IRAK1BP1: variants seen among roughly 807,000 people sequenced by gnomAD.
IRAK1BP1 encodes interleukin 1 receptor associated kinase 1 binding protein 1.
In IRAK1BP1, 24 loss-of-function variants were observed where a neutral mutation model predicts 28.0. That is an observed-to-expected ratio of 0.86 (90% CI 0.62 to 1.20). The LOEUF is 1.20. Ranked by LOEUF, IRAK1BP1 falls within the 50% of genes most tolerant of loss-of-function variation. IRAK1BP1 has a pLI of 0.00. For synonymous variants in IRAK1BP1, 131 were observed against 116.3 expected (o/e 1.13, Z -0.81); for missense variants, 336 against 316.7 (o/e 1.06, Z -0.46).
intron 1 of IRAK1BP1, among the ~76,000 whole-genome samples, chr6:78,881,863 A>G (rs924813965): frequency 7.9e-5 from 12 of 152,166 alleles, no homozygotes; most frequent in Non-Finnish European, 1.8e-4. Flanking sequence ...CAGAGAGGGA[A>G]GTTACAGATA....
chr6:78,970,257 C>G, the IRAK1BP1 span: 3 of 1,218,368 alleles, frequency 2.5e-6, no homozygotes, highest in Non-Finnish European at 3.5e-6. Context: ...GAAAAAACTT[C>G]TTGGTTTAAA....
At chr6:78,972,907 T>C in the IRAK1BP1 span, among the ~76,000 whole-genome samples, 1 of 152,096 alleles carries the variant, frequency 6.6e-6, no homozygotes, top group Non-Finnish European at 1.5e-5. Flanking sequence ...GTCTGATTGG[T>C]GTACCTGAAA....
Position 78,902,680 on chromosome 6 carries a change from A to G in IRAK1BP1, c.*4346A>G. 4.3e-6 allele frequency: 1 copy of G among 233,662 alleles called. No individual in the cohort carries two copies. The highest frequency in any genetic ancestry group is 1.3e-4 in the South Asian group (1 of 7,872). 14.5% of individuals were successfully genotyped at this position (233,662 alleles called of 1,614,324 possible). On this transcript the variant is annotated 3_prime_UTR_variant, in exon 4 of 4. Coordinates refer to ENST00000369940, the MANE Select transcript of IRAK1BP1 (RefSeq NM_001010844.4). ...CAGCTACCGGGGAGGCTGAAGCAGA[A>G]GAAACGCTCGAACCTGGGAGGCAGA...
chr6:78,945,821 T>C, exon 5 of IRAK1BP1: 1 of 618,338 alleles, frequency 1.6e-6, no homozygotes, highest in Non-Finnish European at 2.8e-6. Context: ...TATAATGACC[T>C]AAACCTCAAT....
At chr6:78,969,359 A>T in the IRAK1BP1 span, among the ~76,000 whole-genome samples, 1 of 152,210 alleles carries the variant, frequency 6.6e-6, no homozygotes, top group African/African-American at 2.4e-5. Flanking sequence ...GTGGCACATC[A>T]TCTATATGTA....
chr6:78,896,029 T>A (rs1268011593), intron 2 of IRAK1BP1, among the ~76,000 whole-genome samples: 1 of 152,214 alleles, frequency 6.6e-6, no homozygotes, highest in Non-Finnish European at 1.5e-5. Flanking sequence ...ATAAATCTGT[T>A]ATAAAGATGT....
chr6:78,977,997 T>C, the IRAK1BP1 span, among the ~76,000 whole-genome samples: 1 of 152,162 alleles, frequency 6.6e-6, no homozygotes, highest in Non-Finnish European at 1.5e-5. Flanking sequence ...CTCTTAAAAT[T>C]TGTGTACAAA....
intron 1 of IRAK1BP1, among the ~76,000 whole-genome samples, chr6:78,879,005 C>G (rs867861872): frequency 6.6e-6 from 1 of 152,016 alleles, no homozygotes; most frequent in Non-Finnish European, 1.5e-5. Context: ...GTGAAAAGAC[C>G]AAATCTACGT....
chr6:78,927,708 G>A (rs1772929694), intron 4 of IRAK1BP1, among the ~76,000 whole-genome samples: 1 of 152,028 alleles, frequency 6.6e-6, no homozygotes, highest in Non-Finnish European at 1.5e-5. Flanking sequence ...TTTGAGTTTT[G>A]TATACAGTGA....
chr6:78,934,363 C>A (rs1196514574), intron 4 of IRAK1BP1, among the ~76,000 whole-genome samples: 1 of 152,228 alleles, frequency 6.6e-6, no homozygotes, highest in Non-Finnish European at 1.5e-5. Flanking sequence ...GACAGCCTTG[C>A]TGGATGCATG....
chr6:78,902,341 G>T lies in IRAK1BP1; in HGVS notation c.*4007G>T. On this transcript the variant is annotated 3_prime_UTR_variant, in exon 4 of 4. Transcript: ENST00000369940. Reference sequence around the variant, plus strand: ...ATTAGTGATAAGGTCTTGCTATGTTGCCCAGGCTGGTCTCAAACTCCTGGC... The same window carrying T: ...ATTAGTGATAAGGTCTTGCTATGTTTCCCAGGCTGGTCTCAAACTCCTGGC... 6.5e-6 allele frequency: 1 copy of T among 152,946 alleles called. No individual in the cohort carries two copies. The highest frequency in any genetic ancestry group is 6.5e-5 in the Admixed American group (1 of 15,302). 9.5% of individuals were successfully genotyped at this position (152,946 alleles called of 1,614,324 possible).
the IRAK1BP1 span, chr6:78,961,902 A>C: frequency 1.1e-4 from 102 of 914,612 alleles, no homozygotes; most frequent in African/African-American, 1.7e-3. Flanking sequence ...AAAAAGTCCT[A>C]ATCTACATAA....
downstream of IRAK1BP1, among the ~76,000 whole-genome samples, chr6:78,948,510 T>C (rs1358787457): frequency 6.6e-6 from 1 of 152,136 alleles, no homozygotes; most frequent in Non-Finnish European, 1.5e-5. Context: ...CCCCCCCTTT[T>C]TGGGAGACAC....
At chr6:78,875,814 C>T (rs1237998082) in intron 1 of IRAK1BP1, among the ~76,000 whole-genome samples, 1 of 152,022 alleles carries the variant, frequency 6.6e-6, no homozygotes, top group African/African-American at 2.4e-5. Flanking sequence ...CTCAGCATCA[C>T]GCAATGTACC....
chr6:78,881,158 G>A lies in IRAK1BP1; in HGVS notation c.316-4220G>A, dbSNP rs373477473. On this transcript the variant is annotated intron_variant, in intron 1 of 3. Transcript: ENST00000369940. ...AGTGGCATGGATTAAAAAAATTGTG[G>A]TACATCCATGCAAAAGAATATTATT... Among the ~76,000 whole-genome samples, 12 of 152,152 alleles carry A rather than the reference G, an allele frequency of 7.9e-5. 1 individual carries two copies. The highest frequency in any genetic ancestry group is 4.6e-4 in the Admixed American group (7 of 15,276).
downstream of IRAK1BP1, among the ~76,000 whole-genome samples, chr6:78,904,359 G>GGCAAT (rs1772205764): frequency 6.6e-6 from 1 of 152,158 alleles, no homozygotes; most frequent in Non-Finnish European, 1.5e-5. Flanking sequence ...CACTGAGGGT[G>GGCAAT]ATTACCACTT....
chr6:78,895,650 T>G (rs1771854536), intron 2 of IRAK1BP1, among the ~76,000 whole-genome samples: 2 of 152,302 alleles, frequency 1.3e-5, no homozygotes, highest in South Asian at 4.1e-4. Flanking sequence ...CACATGATTA[T>G]CTCAATAGAT....
intron 4 of IRAK1BP1, among the ~76,000 whole-genome samples, chr6:78,922,176 A>G (rs1772753407): frequency 6.6e-6 from 1 of 152,228 alleles, no homozygotes; most frequent in Non-Finnish European, 1.5e-5. Context: ...AAAGTCTTGA[A>G]AAAAGATTAG....
chr6:78,965,944 C>T, the IRAK1BP1 span: 1 of 1,588,898 alleles, frequency 6.3e-7, no homozygotes, highest in Non-Finnish European at 8.6e-7. Context: ...TATTTCCTTA[C>T]CAAACATTGT....
Sources: allele counts gnomAD v4.1 joint callset (sites outside exome capture counted in the v4.1 genomes callset), GRCh38; gene constraint gnomAD v4.1.1; transcripts MANE v1.5; gene names NCBI Gene and HGNC (gene_info 2026-07-23, HGNC 2026-07-21).